The following TMEM198 variants were observed in gnomAD, a reference collection of about 807,000 sequenced individuals.
TMEM198 encodes transmembrane protein 198.
TMEM198 carries 21 observed loss-of-function variants against 31.5 expected under a neutral mutation model. The ratio of observed to expected loss-of-function variants is 0.67; its 90% CI spans 0.47 to 0.96. The LOEUF (loss-of-function observed/expected upper bound fraction) is 0.96. Ranked by LOEUF, TMEM198 falls within the 40% of genes least tolerant of loss-of-function variation. The pLI is 0.00. For synonymous variants in TMEM198, 211 were observed against 223.3 expected, an observed-to-expected ratio of 0.95 and a Z score of 0.49; for missense variants, 447 against 499.4, an observed-to-expected ratio of 0.89 and a Z score of 1.00.
At position 219,544,162 on chromosome 2, in the gene TMEM198, C is replaced by T. The variant is rs2105990177; in HGVS notation, c.-255C>T. ...CTTCCTCAGGCCCAGCCCGAGTTCC[C>T]GGACGCCGCGGGACTGGAGTGCCAG... On this transcript the variant is annotated 5_prime_UTR_variant, in exon 1 of 5. Transcript: ENST00000373883. 1 of 458,174 alleles carries T rather than the reference C, an allele frequency of 2.2e-6. No homozygotes were observed. The allele number at this position is 458,174 out of a possible 1,614,324, so 28.4% of individuals were successfully genotyped here. A position where few individuals can be genotyped will look rare whatever the true frequency, so the allele number is the denominator to read the frequency against.
chr2:219,549,851 A>T lies in TMEM198; in HGVS notation c.1080A>T (p.Val360=), dbSNP rs763892094. The stretch of plus-strand genomic sequence containing the variant: ...CCTGCTCAGGCCCCCCAGTGCGGGT[A>T]TAGCCATATCTGTCTGTCTAGACTC... ...LTACSGPPVR[V] The change falls in exon 5 of 5, where the codon GTA becomes GTT. Residue 360 remains valine, a synonymous_variant. Coordinates refer to ENST00000373883, the MANE Select transcript of TMEM198 (RefSeq NM_001005209.3). 6.2e-6 allele frequency: 10 copies of T among 1,613,896 alleles called. No homozygotes were observed. The highest frequency in any genetic ancestry group is 2.2e-5 in the East Asian group (1 of 44,854).
upstream of TMEM198, chr2:219,543,685 G>A: frequency 3.9e-6 from 2 of 515,176 alleles, no homozygotes; most frequent in African/African-American, 2.0e-5. Flanking sequence ...CAGAGCCAGC[G>A]GCCCGAGCCG....
At chr2:219,546,778 C>CTGTTTTTTTTTTTTTT (rs1695395611) in intron 2 of TMEM198, among the ~76,000 whole-genome samples, 1 of 127,284 alleles carries the variant, frequency 7.9e-6, no homozygotes, top group Non-Finnish European at 1.6e-5. Flanking sequence ...TCTCAAGTTT[C>CTGTTTTTTTTTTTTTT]TTTTTTTTTT....
Position 219,549,080 on chromosome 2 carries a change from TGA to T in TMEM198, c.743-66_743-65del, listed in dbSNP as rs781735595. 24 of 1,559,136 alleles carry T rather than the reference TGA, an allele frequency of 1.5e-5. 1 individual carries two copies. In the South Asian group the frequency reaches 2.6e-4, roughly 17 times the overall value. Reference sequence around the variant, plus strand: ...TGGAAGCCTAGAGCCACAGGTGGGATGAGAGAGGGAGGGCTCAAGGGAAACAA... The same window carrying T: ...TGGAAGCCTAGAGCCACAGGTGGGATGAGAGGGAGGGCTCAAGGGAAACAA... On this transcript the variant is annotated intron_variant, in intron 3 of 4. Coordinates refer to ENST00000373883, the MANE Select transcript of TMEM198 (RefSeq NM_001005209.3).
At position 219,550,019 on chromosome 2, in the gene TMEM198, G is replaced by A; in HGVS notation, c.*165G>A. On this transcript the variant is annotated 3_prime_UTR_variant, in exon 5 of 5. Transcript: ENST00000373883. ...TTGTCTCAGGCGAGTCTTGGCCTGAGAGGAAAGCCCCCTCCCAAGCTCCCA... is the reference window on the plus strand; with the variant it reads ...TTGTCTCAGGCGAGTCTTGGCCTGAAAGGAAAGCCCCCTCCCAAGCTCCCA... 2.1e-6 allele frequency: 2 copies of A among 966,902 alleles called. No homozygotes were observed. The highest frequency in any genetic ancestry group is 3.0e-6 in the Non-Finnish European group (2 of 673,406). 59.9% of individuals were successfully genotyped at this position (966,902 alleles called of 1,614,324 possible). A position where few individuals can be genotyped will look rare whatever the true frequency, so the allele number is the denominator to read the frequency against.
rs2106001164 is a variant in TMEM198, at chr2:219,550,578, T to C, written c.*724T>C. On this transcript the variant is annotated 3_prime_UTR_variant, in exon 5 of 5. Transcript: ENST00000373883. ...CATCTTTTATAAATGTGCCAAACTGTGTGGCCTCTGCCAGGAATGGTGGTC... is the reference window on the plus strand; with the variant it reads ...CATCTTTTATAAATGTGCCAAACTGCGTGGCCTCTGCCAGGAATGGTGGTC... The C allele has an allele frequency of 3.6e-6, 2 of 548,764 alleles. No homozygotes were observed. Among genetic ancestry groups the C allele is most frequent in the South Asian group, 4.8e-5 (2 of 41,756 alleles). The allele number at this position is 548,764 out of a possible 1,614,324, so 34.0% of individuals were successfully genotyped here. A position where few individuals can be genotyped will look rare whatever the true frequency, so the allele number is the denominator to read the frequency against.
In TMEM198 at chr2:219,549,780, C is replaced by A. The variant is rs199925077; in HGVS notation, c.1009C>A (p.Pro337Thr). The change falls in exon 5 of 5, where the codon CCC becomes ACC. Residue 337 changes from proline to threonine, a missense_variant. Physicochemically the swap from Pro to Thr is conservative, Grantham distance 38 (BLOSUM62 -1). Coordinates refer to ENST00000373883, the MANE Select transcript of TMEM198 (RefSeq NM_001005209.3). ...GSSLSSFMAS[P>T]TDADYEYGSR... Reference sequence around the variant, plus strand: ...CTCCCTGAGCTCCTTCATGGCCTCACCCACAGATGCGGACTATGAGTATGG... The same window carrying A: ...CTCCCTGAGCTCCTTCATGGCCTCAACCACAGATGCGGACTATGAGTATGG... 503 of 1,614,156 alleles carry A rather than the reference C, an allele frequency of 3.1e-4. 3 individuals carry two copies. Among genetic ancestry groups the A allele is most frequent in the South Asian group, 2.7e-3 (249 of 91,082 alleles).
chr2:219,549,293 A>G lies in TMEM198; in HGVS notation c.884A>G (p.Asp295Gly), dbSNP rs780748956. The change falls in exon 4 of 5, where the codon GAC (aspartate) becomes GGC (glycine). Residue 295 changes from aspartate to glycine, a missense_variant. Asp to Gly is a moderately conservative substitution (Grantham distance 94). Coordinates refer to ENST00000373883, the MANE Select transcript of TMEM198 (RefSeq NM_001005209.3). ...PRAPPRPGPP[D>G]PAYRRRPVPI... ...GCTCCTCCCAGGCCTGGGCCACCAG[A>G]CCCTGCTTATCGGCGCAGGCCAGTG... 1 of 1,613,370 alleles carries G rather than the reference A, an allele frequency of 6.2e-7. No individual in the cohort carries two copies. The highest frequency in any genetic ancestry group is 8.5e-7 in the Non-Finnish European group (1 of 1,179,876).
At chr2:219,546,921 G>C (rs1158634013) in intron 2 of TMEM198, among the ~76,000 whole-genome samples, 1 of 151,942 alleles carries the variant, frequency 6.6e-6, no homozygotes, top group Non-Finnish European at 1.5e-5. Context: ...TGGGATTACA[G>C]GTGCGTGCCA....
intron 3 of TMEM198, among the ~76,000 whole-genome samples, chr2:219,548,489 G>C (rs1028475082): frequency 2.0e-5 from 3 of 152,230 alleles, no homozygotes; most frequent in African/African-American, 4.8e-5. Flanking sequence ...AGGGAAGGCT[G>C]CTTGAAGGAG....
Position 219,547,838 on chromosome 2 carries a change from T to C in TMEM198, c.499T>C (p.Trp167Arg), listed in dbSNP as rs757105393. ...GCTCTGTGCCCTGCTCACTCTGCGCTGGCCCCGCCCACTCACCACCCTGGC... is the reference window on the plus strand; with the variant it reads ...GCTCTGTGCCCTGCTCACTCTGCGCCGGCCCCGCCCACTCACCACCCTGGC... ...GLLCALLTLR[W>R]PRPLTTLATA... Residue 167 changes from tryptophan (W) to arginine (R), a missense_variant, in exon 3 of 5, where the codon TGG becomes CGG. By Grantham distance (101) the Trp-to-Arg change is moderately radical (BLOSUM62 -3). Coordinates refer to ENST00000373883, the MANE Select transcript of TMEM198 (RefSeq NM_001005209.3). 25 of 1,587,896 alleles carry C rather than the reference T, an allele frequency of 1.6e-5. No homozygotes were observed. The highest frequency in any genetic ancestry group is 3.3e-5 in the South Asian group (3 of 90,270).
At position 219,547,576 on chromosome 2, in the gene TMEM198, C is replaced by T; in HGVS notation, c.237C>T (p.Leu79=). The T allele has an allele frequency of 6.8e-7, 1 of 1,471,316 alleles. No homozygotes were observed. The highest frequency in any genetic ancestry group is 1.5e-5 in the South Asian group (1 of 67,860). The allele number at this position is 1,471,316 out of a possible 1,614,324, so 91.1% of individuals were successfully genotyped here. The change falls in exon 3 of 5, where the codon CTC becomes CTT. Residue 79 remains leucine, a synonymous_variant. Transcript: ENST00000373883. Reference sequence around the variant, plus strand: ...TTGGCTCGGTGGTCATCTTCCTCCTCTGCTACCGAGAGCGGGTGCTAGAGA... The same window carrying T: ...TTGGCTCGGTGGTCATCTTCCTCCTTTGCTACCGAGAGCGGGTGCTAGAGA... ...LLFGSVVIFL[L]CYRERVLETQ... is the part of the protein sequence containing the mutation.
At chr2:219,549,522 C>G (rs903852930) in intron 4 of TMEM198, among the ~76,000 whole-genome samples, 168 bp downstream of exon 4, 1 of 152,108 alleles carries the variant, frequency 6.6e-6, no homozygotes, top group African/African-American at 2.4e-5. Context: ...GCGGGTCCAG[C>G]TGGTGGGGGA....
In TMEM198 at chr2:219,547,770, G is replaced by A. The variant is rs1269898083; in HGVS notation, c.431G>A (p.Gly144Asp). ...GGCTCCGCACCCTACTACCAGCCAGGCTCCGTGTGGGGTCCACTGGGGCTG... is the reference window on the plus strand; with the variant it reads ...GGCTCCGCACCCTACTACCAGCCAGACTCCGTGTGGGGTCCACTGGGGCTG... ...LLGSAPYYQP[G>D]SVWGPLGLLL... Residue 144 changes from glycine to aspartate, a missense_variant, in exon 3 of 5, where the codon GGC becomes GAC. Coordinates refer to ENST00000373883, the MANE Select transcript of TMEM198 (RefSeq NM_001005209.3). 1.3e-6 allele frequency: 2 copies of A among 1,594,014 alleles called. No homozygotes were observed. Among genetic ancestry groups the A allele is most frequent in the South Asian group, 2.2e-5 (2 of 90,598 alleles).
At chr2:219,546,852 C>T (rs1027378422) in intron 2 of TMEM198, among the ~76,000 whole-genome samples, 3 of 147,036 alleles carry the variant, frequency 2.0e-5, no homozygotes, top group African/African-American at 7.6e-5. Flanking sequence ...GATCTTGGTG[C>T]ACTGCAACCT....
rs142570425 is a variant in TMEM198, at chr2:219,547,752, C to T, written c.413C>T (p.Ala138Val). Residue 138 changes from alanine (A) to valine (V), a missense_variant, in exon 3 of 5, where the codon GCA (alanine) becomes GTA (valine). Ala to Val is a moderately conservative substitution (Grantham distance 64). Coordinates refer to ENST00000373883, the MANE Select transcript of TMEM198 (RefSeq NM_001005209.3). ...GCAGCTGCTGCCCTGCTGGGCTCCGCACCCTACTACCAGCCAGGCTCCGTG... is the reference window on the plus strand; with the variant it reads ...GCAGCTGCTGCCCTGCTGGGCTCCGTACCCTACTACCAGCCAGGCTCCGTG... Reference protein sequence around the residue: ...LLAAAALLGSAPYYQPGSVWG... With the variant: ...LLAAAALLGSVPYYQPGSVWG... 1.3e-4 allele frequency: 215 copies of T among 1,594,446 alleles called. No individual in the cohort carries two copies. The highest frequency in any genetic ancestry group is 2.8e-4 in the Admixed American group (17 of 59,714).
At position 219,549,344 on chromosome 2, in the gene TMEM198, T is replaced by G. The variant is rs1235054437; in HGVS notation, c.935T>G (p.Val312Gly). The G allele has an allele frequency of 6.2e-7, 1 of 1,612,150 alleles. No homozygotes were observed. Among genetic ancestry groups the G allele is most frequent in the Admixed American group, 1.7e-5 (1 of 59,924 alleles). Reference sequence around the variant, plus strand: ...CCCATCAAACGCTTCAATGGAGACGTCCTCTCCCCGGTGAGCTCCCTGAGC... The same window carrying G: ...CCCATCAAACGCTTCAATGGAGACGGCCTCTCCCCGGTGAGCTCCCTGAGC... ...PVPIKRFNGD[V>G]LSPSYIQSFR... Residue 312 changes from valine (V) to glycine (G), a missense_variant, in exon 4 of 5, where the codon GTC (valine) becomes GGC (glycine). Transcript: ENST00000373883.
chr2:219,550,112 C>T lies in TMEM198; in HGVS notation c.*258C>T, dbSNP rs189448582. 4.4e-3 allele frequency: 2,035 copies of T among 459,816 alleles called. 6 individuals are homozygous for T. Among genetic ancestry groups the T allele is most frequent in the Middle Eastern group, 5.7e-3 (10 of 1,744 alleles). The allele number at this position is 459,816 out of a possible 1,614,324, so 28.5% of individuals were successfully genotyped here. On this transcript the variant is annotated 3_prime_UTR_variant, in exon 5 of 5. Coordinates refer to ENST00000373883, the MANE Select transcript of TMEM198 (RefSeq NM_001005209.3). ...TGCTCAGGGTTGTGAGTGTGTTGCC[C>T]GTGTGTCTGTGTGTATGTGTGTGGG...
In TMEM198 at chr2:219,549,697, C is replaced by A; in HGVS notation, c.946-20C>A. On this transcript the variant is annotated intron_variant, in intron 4 of 4. Coordinates refer to ENST00000373883, the MANE Select transcript of TMEM198 (RefSeq NM_001005209.3). ...CAGGATTCTGCGGTGGGACTCACAC[C>A]TATGTTTGCTCCCCCACAGAGCTAT... 1 of 1,612,024 alleles carries A rather than the reference C, an allele frequency of 6.2e-7. No homozygotes were observed. Among genetic ancestry groups the A allele is most frequent in the South Asian group, 1.1e-5 (1 of 91,026 alleles).
Sources: gnomAD v4.1 joint callset for allele counts (sites outside exome capture counted in the v4.1 genomes callset) on GRCh38, gnomAD v4.1.1 for gene constraint, MANE v1.5 for transcripts, NCBI Gene and HGNC (gene_info 2026-07-23, HGNC 2026-07-21) for gene names.